CSMD2: variants seen among roughly 807,000 people sequenced by gnomAD.
CSMD2 encodes the protein CUB and sushi domain-containing protein 2.
In CSMD2, 130 loss-of-function variants were observed where a neutral mutation model predicts 398.5. That is an observed-to-expected ratio of 0.33 (90% CI 0.28 to 0.38). The LOEUF (loss-of-function observed/expected upper bound fraction) is 0.38. Ranked by LOEUF, CSMD2 falls within the 10% of genes least tolerant of loss-of-function variation. CSMD2 has a pLI of 1.00. For synonymous variants in CSMD2, 1,828 were observed against 1,908.5 expected (o/e 0.96, Z 1.10); for missense variants, 3,829 against 4,764.9 (o/e 0.80, Z 5.78).
intron 15 of CSMD2, among the ~76,000 whole-genome samples, chr1:33,733,038 A>G (rs564476578): frequency 6.6e-5 from 10 of 152,352 alleles, no homozygotes; most frequent in African/African-American, 2.4e-4. Context: ...TGGGCAGTCC[A>G]GCTCCAGAGC....
intron 25 of CSMD2, among the ~76,000 whole-genome samples, chr1:33,676,183 A>G (rs1370206817): frequency 6.6e-6 from 1 of 152,240 alleles, no homozygotes; most frequent in East Asian, 1.9e-4. Flanking sequence ...CTGTTTGCAG[A>G]TGACATGATT....
chr1:33,812,833 C>G (rs1351469613), intron 9 of CSMD2, among the ~76,000 whole-genome samples: 1 of 152,190 alleles, frequency 6.6e-6, no homozygotes, highest in Non-Finnish European at 1.5e-5. Context: ...CATGTCTATT[C>G]TGTTTCTCTA....
At chr1:33,724,391 C>A in intron 18 of CSMD2, 78 bp from the exon 19 acceptor site, 1 of 1,491,468 alleles carries the variant, frequency 6.7e-7, no homozygotes, top group Non-Finnish European at 9.3e-7. Flanking sequence ...GGGACCCCAT[C>A]CCCCATCTCT....
chr1:34,010,844 C>T (rs1374568240), intron 3 of CSMD2, among the ~76,000 whole-genome samples: 1 of 152,110 alleles, frequency 6.6e-6, no homozygotes, highest in African/African-American at 2.4e-5. Flanking sequence ...GAAGGATGGT[C>T]TCGATCTCCT....
intron 2 of CSMD2, among the ~76,000 whole-genome samples, chr1:34,052,495 C>CTGTGTGTGTGTGTGTG (rs143571706): frequency 8.8e-4 from 118 of 134,170 alleles, no homozygotes; most frequent in African/African-American, 3.1e-3. Context: ...TATGGGACAA[C>CTGTGTGTGTGTGTGTG]TGTGTGTGTG....
At position 33,796,458 on chromosome 1, in the gene CSMD2, G is replaced by A. The variant is rs114791350; in HGVS notation, c.1447-3932C>T. Among the ~76,000 whole-genome samples, 143 of 152,270 alleles carry A rather than the reference G, an allele frequency of 9.4e-4. 1 individual carries two copies. Among genetic ancestry groups the A allele is most frequent in the Non-Finnish European group, 1.7e-3 (114 of 68,024 alleles). ...TTACTTCAATCTCTGAATGTAAATT[G>A]TGAAGATTTCATTTTAATATGGACA... is the stretch of plus-strand genomic sequence containing the variant. On this transcript the variant is annotated intron_variant, in intron 10 of 70. Transcript: ENST00000373381.
At chr1:33,985,848 C>T (rs867985276) in intron 3 of CSMD2, among the ~76,000 whole-genome samples, 1 of 152,080 alleles carries the variant, frequency 6.6e-6, no homozygotes, top group African/African-American at 2.4e-5. Context: ...TTTGATCGCC[C>T]CACCCTTAGA....
chr1:33,678,159 C>T (rs1644782336), intron 25 of CSMD2, among the ~76,000 whole-genome samples: 1 of 151,664 alleles, frequency 6.6e-6, no homozygotes, highest in African/African-American at 2.4e-5. Flanking sequence ...ACTTCTCTTG[C>T]TCATTCTCTT....
chr1:34,066,514 G>A (rs1655128254), intron 2 of CSMD2, among the ~76,000 whole-genome samples: 1 of 152,196 alleles, frequency 6.6e-6, no homozygotes, highest in Non-Finnish European at 1.5e-5. Flanking sequence ...AACCAGCCTA[G>A]TAGAGGGGGG....
intron 42 of CSMD2, 32 bp downstream of exon 42, chr1:33,605,250 G>A (rs1263655393): frequency 6.3e-7 from 1 of 1,598,530 alleles, no homozygotes; most frequent in Non-Finnish European, 8.6e-7. Flanking sequence ...AGTACCCCAG[G>A]AAGAACTGCT....
intron 2 of CSMD2, among the ~76,000 whole-genome samples, chr1:34,085,945 G>A (rs1207758342): frequency 6.7e-6 from 1 of 149,524 alleles, no homozygotes; most frequent in Non-Finnish European, 1.5e-5. Context: ...GTTTCTGTAT[G>A]TCAATCTCCA....
At chr1:33,815,589 C>T (rs1230548731) in intron 9 of CSMD2, among the ~76,000 whole-genome samples, 2 of 152,218 alleles carry the variant, frequency 1.3e-5, no homozygotes, top group African/African-American at 4.8e-5. Context: ...AAGTAGGATT[C>T]AGCCTTTGGA....
intron 4 of CSMD2, among the ~76,000 whole-genome samples, chr1:33,921,392 A>C (rs1643932957): frequency 6.6e-6 from 1 of 152,168 alleles, no homozygotes; most frequent in Admixed American, 6.5e-5. Flanking sequence ...ATTACCAGGG[A>C]GATAAGCCAC....
Position 33,567,633 on chromosome 1 carries a change from C to T in CSMD2, c.8340G>A (p.Gln2780=), listed in dbSNP as rs1335256383. The T allele has an allele frequency of 6.2e-7, 1 of 1,614,190 alleles. No homozygotes were observed. The highest frequency in any genetic ancestry group is 8.5e-7 in the Non-Finnish European group (1 of 1,180,024). ...RLIGMSVRIC[Q]QDHHWSGKTP... The stretch of plus-strand genomic sequence containing the variant: ...TCTTGCCCGACCAGTGATGATCCTG[C>T]TGGCAGATGCGCACAGACATGCCGA... Residue 2780 remains glutamine (Q), a synonymous_variant, in exon 53 of 71, where the codon CAG becomes CAA. Transcript: ENST00000373381.
At chr1:33,731,048 A>T (rs962050594) in intron 15 of CSMD2, among the ~76,000 whole-genome samples, 6 of 152,200 alleles carry the variant, frequency 3.9e-5, no homozygotes, top group African/African-American at 1.4e-4. Context: ...CCAACTTCAA[A>T]AGGCTCCCAC....
At position 33,700,673 on chromosome 1, in the gene CSMD2, C is replaced by T; in HGVS notation, c.3577G>A (p.Val1193Ile). ...FELSEGDVLK[V>I]YDGNNNSARL... ...GCGGAGTTGTTGTTGCCATCATAAACCTGGACACAGGAGAGACCCCCAACC... is the reference window on the plus strand; with the variant it reads ...GCGGAGTTGTTGTTGCCATCATAAATCTGGACACAGGAGAGACCCCCAACC... Residue 1193 changes from valine to isoleucine, a missense_variant and splice_region_variant, in exon 23 of 71, where the codon GTT becomes ATT. Physicochemically the swap from Val to Ile is conservative, Grantham distance 29. Coordinates refer to ENST00000373381, the MANE Select transcript of CSMD2 (RefSeq NM_001281956.2). 1 of 1,614,104 alleles carries T rather than the reference C, an allele frequency of 6.2e-7. No individual in the cohort carries two copies.
intron 13 of CSMD2, among the ~76,000 whole-genome samples, chr1:33,763,131 A>T (rs1026561682): frequency 4.6e-5 from 7 of 152,314 alleles, no homozygotes; most frequent in Non-Finnish European, 7.3e-5. Context: ...GCATGACACA[A>T]GTATTAGCTA....
Position 33,537,638 on chromosome 1 carries a change from C to G in CSMD2, c.9632-29G>C. 6.3e-7 allele frequency: 1 copy of G among 1,587,986 alleles called. No individual in the cohort carries two copies. The highest frequency in any genetic ancestry group is 8.6e-7 in the Non-Finnish European group (1 of 1,165,462). ...GGAAGACGAAGGGAGAAAGGCAGGT[C>G]TAAGTTGCTTTCCAGAACCCAATCT... On this transcript the variant is annotated intron_variant, in intron 60 of 70. Coordinates refer to ENST00000373381, the MANE Select transcript of CSMD2 (RefSeq NM_001281956.2). This position sits in a 1 kb window ranked among gnomAD's most constrained non-coding sequence, Gnocchi z 4.6.
intron 5 of CSMD2, 140 bp from the exon 6 acceptor site, chr1:33,847,136 C>T: frequency 1.8e-6 from 1 of 544,656 alleles, no homozygotes; most frequent in Non-Finnish European, 3.2e-6. Flanking sequence ...CGGTGTTGCC[C>T]CAGGCCCCTC....
Sources: gnomAD v4.1 joint callset for allele counts (sites outside exome capture counted in the v4.1 genomes callset) on GRCh38, gnomAD v4.1.1 for gene constraint, Gnocchi (gnomAD v3.1) non-coding constraint, MANE v1.5 for transcripts, NCBI Gene and HGNC (gene_info 2026-07-23, HGNC 2026-07-21) for gene names.